The following KMO variants were observed in gnomAD, a reference collection of about 807,000 sequenced individuals.
KMO encodes the protein kynurenine 3-hydroxylase.
In KMO, 24 loss-of-function variants were observed where a neutral mutation model predicts 57.8. The ratio of observed to expected loss-of-function variants is 0.42; its 90% CI spans 0.30 to 0.58. The LOEUF (loss-of-function observed/expected upper bound fraction) is 0.58, where lower values mean the gene tolerates loss of function less well. Among genes scored for constraint, KMO ranks in the 20% least tolerant of loss-of-function variants. The pLI is 0.22. For missense variants in KMO, 483 were observed against 588.2 expected, an observed-to-expected ratio of 0.82 and a Z score of 1.85; for synonymous variants, 210 against 193.6, an observed-to-expected ratio of 1.08 and a Z score of -0.70.
chr1:241,534,743 C>G (rs66799800), intron 1 of KMO, among the ~76,000 whole-genome samples: 1 of 152,158 alleles, frequency 6.6e-6, no homozygotes, highest in Admixed American at 6.5e-5. Context: ...CCTTATAGTC[C>G]ATACTACACA....
intron 5 of KMO, among the ~76,000 whole-genome samples, chr1:241,557,620 G>A (rs966538210): frequency 1.3e-5 from 2 of 152,128 alleles, no homozygotes; most frequent in Admixed American, 1.3e-4. Context: ...ATGGATAGAT[G>A]GGTGGAGTGG....
At chr1:241,546,239 C>T (rs551200585) in intron 1 of KMO, among the ~76,000 whole-genome samples, 1 of 152,060 alleles carries the variant, frequency 6.6e-6, no homozygotes, top group Admixed American at 6.6e-5. Context: ...GCAAGGGGTG[C>T]GGGAGTGTCC....
chr1:241,541,831 C>G (rs1299379506), intron 1 of KMO, among the ~76,000 whole-genome samples: 3 of 152,138 alleles, frequency 2.0e-5, no homozygotes, highest in Non-Finnish European at 4.4e-5. Context: ...CTTGAGACGT[C>G]AAACTATAGT....
chr1:241,542,706 T>C (rs1661002034), intron 1 of KMO, among the ~76,000 whole-genome samples: 1 of 152,228 alleles, frequency 6.6e-6, no homozygotes, highest in Non-Finnish European at 1.5e-5. Flanking sequence ...TCTCCTGTGC[T>C]GTCCTCCTTC....
In KMO at chr1:241,592,516, A is replaced by G. The variant is rs1054610414; in HGVS notation, c.*363A>G. ...GGACTCGCAACAGCATTGACTCAAC[A>G]CCTAGGACTAAAAATCACAACTTAA... is the stretch of plus-strand genomic sequence containing the variant. On this transcript the variant is annotated 3_prime_UTR_variant, in exon 15 of 15. Transcript: ENST00000366559. The G allele has an allele frequency of 4.6e-6, 1 of 216,678 alleles. No individual in the cohort carries two copies. The highest frequency in any genetic ancestry group is 1.3e-4 in the East Asian group (1 of 7,468). The allele number at this position is 216,678 out of a possible 1,614,324, so 13.4% of individuals were successfully genotyped here. A position where few individuals can be genotyped will look rare whatever the true frequency, so the allele number is the denominator to read the frequency against.
chr1:241,580,160 C>G (rs1179458024), intron 10 of KMO, among the ~76,000 whole-genome samples: 1 of 152,090 alleles, frequency 6.6e-6, no homozygotes, highest in Non-Finnish European at 1.5e-5. Context: ...GTTGCAGCAG[C>G]CTATCTCTTC....
rs1214138945 is a variant in KMO, at chr1:241,594,320, A to G, written c.*2167A>G. Reference sequence around the variant, plus strand: ...AATTCGGATTTCCTGCTGGACCACAAGGTTCTGTTGATATTACATAGAACG... The same window carrying G: ...AATTCGGATTTCCTGCTGGACCACAGGGTTCTGTTGATATTACATAGAACG... On this transcript the variant is annotated 3_prime_UTR_variant, in exon 15 of 15. Coordinates refer to ENST00000366559, the MANE Select transcript of KMO (RefSeq NM_003679.5). The G allele has an allele frequency of 4.4e-5, 54 of 1,239,008 alleles. No homozygotes were observed. The highest frequency in any genetic ancestry group is 5.8e-5 in the Non-Finnish European group (52 of 890,000). 76.8% of individuals were successfully genotyped at this position (1,239,008 alleles called of 1,614,324 possible).
rs1037273252 is a variant in KMO at position 241,583,770 on chromosome 1, A to G, written c.958-2909A>G. 4.3e-4 allele frequency among the ~76,000 whole-genome samples: 65 copies of G among 151,372 alleles called. 2 individuals carry two copies. The Middle Eastern group carries it at 0.01, about 24-fold the overall frequency. On this transcript the variant is annotated intron_variant, in intron 10 of 14. Transcript: ENST00000366559. Reference sequence around the variant, plus strand: ...TTCCAATCAAAACTTGACTGAGTCCATATATCCAGAACTTGGGTATATGTG... The same window carrying G: ...TTCCAATCAAAACTTGACTGAGTCCGTATATCCAGAACTTGGGTATATGTG...
rs116759108 is a variant in KMO at position 241,580,526 on chromosome 1, G to A, written c.958-6153G>A. Among the ~76,000 whole-genome samples the A allele has an allele frequency of 8.3e-3, 1,264 of 152,122 alleles. 17 individuals carry two copies. The highest frequency in any genetic ancestry group is 0.029 in the African/African-American group (1,189 of 41,524). Reference sequence around the variant, plus strand: ...GTACTGCTTTGGCTGTGTCCCACAGGTTTTGGTATGTTCTGTTTCCATTTT... The same window carrying A: ...GTACTGCTTTGGCTGTGTCCCACAGATTTTGGTATGTTCTGTTTCCATTTT... On this transcript the variant is annotated intron_variant, in intron 10 of 14. Transcript: ENST00000366559.
chr1:241,567,800 A>T (rs533530505), intron 9 of KMO, among the ~76,000 whole-genome samples: 1 of 152,342 alleles, frequency 6.6e-6, no homozygotes, highest in South Asian at 2.1e-4. Flanking sequence ...CACCAGAATT[A>T]GACCTTGTGT....
intron 10 of KMO, chr1:241,586,463 G>A (rs1435429335): frequency 4.1e-6 from 2 of 483,518 alleles, no homozygotes; most frequent in Admixed American, 6.9e-5. Context: ...GCCTCCCAAA[G>A]TGCTGGGATT....
chr1:241,594,328 T>A lies in KMO; in HGVS notation c.*2175T>A. 7.6e-7 allele frequency: 1 copy of A among 1,307,682 alleles called. No individual in the cohort carries two copies. Among genetic ancestry groups the A allele is most frequent in the Non-Finnish European group, 1.1e-6 (1 of 944,088 alleles). The allele number at this position is 1,307,682 out of a possible 1,614,324, so 81.0% of individuals were successfully genotyped here. A position where few individuals can be genotyped will look rare whatever the true frequency, so the allele number is the denominator to read the frequency against. ...TTTCCTGCTGGACCACAAGGTTCTG[T>A]TGATATTACATAGAACGGGTATTCC... is the stretch of plus-strand genomic sequence containing the variant. On this transcript the variant is annotated 3_prime_UTR_variant, in exon 15 of 15. Coordinates refer to ENST00000366559, the MANE Select transcript of KMO (RefSeq NM_003679.5).
intron 1 of KMO, among the ~76,000 whole-genome samples, chr1:241,540,986 A>G (rs1660938359): frequency 6.6e-6 from 1 of 152,186 alleles, no homozygotes; most frequent in Non-Finnish European, 1.5e-5. Flanking sequence ...ACTTGAACCC[A>G]GGAGTTCAAG....
intron 9 of KMO, 117 bp downstream of exon 9, chr1:241,566,729 C>T (rs985876292): frequency 1.3e-5 from 14 of 1,050,536 alleles, no homozygotes; most frequent in Middle Eastern, 2.1e-4. Flanking sequence ...GTAACCTGGA[C>T]AGAAACCTAC....
At chr1:241,536,710 T>C (rs929907647) in intron 1 of KMO, 4 of 158,780 alleles carry the variant, frequency 2.5e-5, no homozygotes, top group Admixed American at 1.3e-4. Flanking sequence ...GAAACCCCAC[T>C]GTAGAGAGCT....
intron 3 of KMO, among the ~76,000 whole-genome samples, chr1:241,550,387 G>T (rs1380875814): frequency 6.6e-6 from 1 of 152,202 alleles, no homozygotes; most frequent in Non-Finnish European, 1.5e-5. Context: ...TGGTGGGCCT[G>T]TAGTAGATTT....
intron 11 of KMO, 68 bp downstream of exon 11, chr1:241,586,804 A>G: frequency 1.9e-6 from 2 of 1,059,002 alleles, no homozygotes; most frequent in South Asian, 2.8e-5. Context: ...CTTATTTCTG[A>G]TCCTCAATGA....
chr1:241,537,384 G>T (rs1273423364), intron 1 of KMO, among the ~76,000 whole-genome samples: 2 of 152,154 alleles, frequency 1.3e-5, no homozygotes, highest in African/African-American at 4.8e-5. Context: ...CACAGAATTT[G>T]ATTCAAGTGC....
intron 7 of KMO, among the ~76,000 whole-genome samples, chr1:241,563,252 G>A (rs1383061441): frequency 1.3e-5 from 2 of 152,152 alleles, no homozygotes; most frequent in Non-Finnish European, 2.9e-5. Flanking sequence ...AAGCAAATAA[G>A]TGTAGGAACT....
Sources: allele counts gnomAD v4.1 joint callset (sites outside exome capture counted in the v4.1 genomes callset), GRCh38; gene constraint gnomAD v4.1.1; transcripts MANE v1.5; gene names NCBI Gene and HGNC (gene_info 2026-07-23, HGNC 2026-07-21).